ELOVL5: variants seen among roughly 807,000 people sequenced by gnomAD.
ELOVL5 encodes the protein very long chain fatty acid elongase 5.
In ELOVL5, 8 loss-of-function variants were observed where a neutral mutation model predicts 38.6. That is an observed-to-expected ratio of 0.21 (90% CI 0.12 to 0.37). ELOVL5 has a LOEUF of 0.37. Ranked by LOEUF, ELOVL5 falls within the 10% of genes least tolerant of loss-of-function variation. The pLI is 1.00. For synonymous variants in ELOVL5, 127 were observed against 133.7 expected (o/e 0.95, Z 0.34); for missense variants, 280 against 367.8 (o/e 0.76, Z 1.95).
chr6:53,272,654 A>C (rs1479899169), intron 6 of ELOVL5, among the ~76,000 whole-genome samples: 1 of 152,186 alleles, frequency 6.6e-6, no homozygotes, highest in Admixed American at 6.5e-5. Flanking sequence ...GATGGTGAGA[A>C]GTATCAGGTG....
intron 3 of ELOVL5, among the ~76,000 whole-genome samples, chr6:53,280,117 G>A (rs1581926005): frequency 6.6e-6 from 1 of 152,202 alleles, no homozygotes. Flanking sequence ...TTCAAGTTGC[G>A]TGTTAAGTAG....
chr6:53,319,763 T>C (rs1041548273), intron 1 of ELOVL5, among the ~76,000 whole-genome samples: 3 of 152,258 alleles, frequency 2.0e-5, no homozygotes, highest in Non-Finnish European at 2.9e-5. Context: ...TTCGGTATAA[T>C]GAGATCAGTT....
At chr6:53,347,797 T>G (rs548836011) in intron 1 of ELOVL5, among the ~76,000 whole-genome samples, 8 of 151,684 alleles carry the variant, frequency 5.3e-5, no homozygotes, top group Admixed American at 4.6e-4. Flanking sequence ...ATCAAGGAGC[T>G]TAATTCACAA....
At chr6:53,323,005 C>A (rs766838215) in intron 1 of ELOVL5, among the ~76,000 whole-genome samples, 1 of 152,182 alleles carries the variant, frequency 6.6e-6, no homozygotes, top group Non-Finnish European at 1.5e-5. Flanking sequence ...TGCTAAGCAT[C>A]GTACCACGCA....
intron 1 of ELOVL5, among the ~76,000 whole-genome samples, chr6:53,317,369 C>T (rs1013456899): frequency 1.3e-5 from 2 of 152,142 alleles, no homozygotes; most frequent in Admixed American, 6.5e-5. Context: ...GCACTATTCA[C>T]GATAGCAAAG....
chr6:53,295,814 GGTTAA>G, intron 1 of ELOVL5, 107 bp from the exon 2 acceptor site: 1 of 683,398 alleles, frequency 1.5e-6, no homozygotes, highest in South Asian at 2.1e-5. Context: ...CTACAGACAA[GGTTAA>G]GTTCAGTTCC....
intron 1 of ELOVL5, among the ~76,000 whole-genome samples, chr6:53,331,347 T>G (rs970160480): frequency 2.0e-5 from 3 of 152,166 alleles, no homozygotes; most frequent in Non-Finnish European, 4.4e-5. Context: ...AATAAAAATT[T>G]TTTAAATGAT....
At chr6:53,289,343 A>T (rs937557381) in intron 3 of ELOVL5, among the ~76,000 whole-genome samples, 1 of 152,198 alleles carries the variant, frequency 6.6e-6, no homozygotes, top group Non-Finnish European at 1.5e-5. Context: ...GGGCTTCATG[A>T]TCTCCTCAGT....
chr6:53,278,817 C>T (rs1766243010), intron 3 of ELOVL5, among the ~76,000 whole-genome samples: 1 of 152,202 alleles, frequency 6.6e-6, no homozygotes. Flanking sequence ...GGCCGCTGTG[C>T]CCCTCAAACC....
At position 53,304,421 on chromosome 6, in the gene ELOVL5, CAA is replaced by C. The variant is rs1376595755; in HGVS notation, c.-8-8716_-8-8715del. 6.2e-5 allele frequency among the ~76,000 whole-genome samples: 9 copies of C among 144,618 alleles called. No homozygotes were observed. In the Admixed American group the frequency reaches 7.5e-4, roughly 12 times the overall value. The allele number at this position is 144,618 out of a possible 152,430, so 94.9% of individuals were successfully genotyped here. Reference sequence around the variant, plus strand: ...GAAACAAAAAATGCATGTACACACACAAACACACACACCTCTTTTATTTTATT... The same window carrying C: ...GAAACAAAAAATGCATGTACACACACACACACACACCTCTTTTATTTTATT... On this transcript the variant is annotated intron_variant, in intron 1 of 7. Transcript: ENST00000304434.
intron 1 of ELOVL5, among the ~76,000 whole-genome samples, chr6:53,308,251 A>C (rs757548576): frequency 1.3e-5 from 2 of 152,160 alleles, no homozygotes; most frequent in Admixed American, 6.6e-5. Flanking sequence ...CATCACTTCT[A>C]CTGTATCTCA....
intron 1 of ELOVL5, among the ~76,000 whole-genome samples, chr6:53,334,838 G>A (rs1183525264): frequency 6.6e-6 from 1 of 152,094 alleles, no homozygotes; most frequent in African/African-American, 2.4e-5. Context: ...AAGCAGGGTG[G>A]ACTCCTCCCT....
At chr6:53,297,649 C>A (rs899212791) in intron 1 of ELOVL5, among the ~76,000 whole-genome samples, 2 of 151,956 alleles carry the variant, frequency 1.3e-5, no homozygotes, top group Admixed American at 1.3e-4. Flanking sequence ...TCTTACTTTG[C>A]CTAATTTATA....
intron 1 of ELOVL5, among the ~76,000 whole-genome samples, chr6:53,319,397 A>C (rs992619843): frequency 2.0e-5 from 3 of 151,928 alleles, no homozygotes; most frequent in East Asian, 3.9e-4. Context: ...CACATACTCA[A>C]GTTGTTTCAA....
Position 53,275,081 on chromosome 6 carries a change from A to T in ELOVL5, c.496+9T>A. 6.2e-7 allele frequency: 1 copy of T among 1,613,410 alleles called. No individual in the cohort carries two copies. Among genetic ancestry groups the T allele is most frequent in the South Asian group, 1.1e-5 (1 of 91,044 alleles). ...ACCTGTTCCCCAAGTCCCCGTCTCT[A>T]ATACTTACAGTGGCCGCAGGGGACC... is the stretch of plus-strand genomic sequence containing the variant. On this transcript the variant is annotated intron_variant, in intron 5 of 7. Coordinates refer to ENST00000304434, the MANE Select transcript of ELOVL5 (RefSeq NM_021814.5).
At chr6:53,323,173 A>G (rs1321804599) in intron 1 of ELOVL5, among the ~76,000 whole-genome samples, 1 of 152,214 alleles carries the variant, frequency 6.6e-6, no homozygotes, top group Non-Finnish European at 1.5e-5. Flanking sequence ...GGAAAATAGA[A>G]AAATGCATCA....
At chr6:53,316,041 T>G (rs536380192) in intron 1 of ELOVL5, among the ~76,000 whole-genome samples, 34 of 152,346 alleles carry the variant, frequency 2.2e-4, no homozygotes, top group Non-Finnish European at 4.4e-4. Flanking sequence ...CAATAATGCT[T>G]ATACCTCATG....
chr6:53,302,069 A>G (rs185093162), intron 1 of ELOVL5, among the ~76,000 whole-genome samples: 1 of 152,210 alleles, frequency 6.6e-6, no homozygotes. Flanking sequence ...GAATTTTAGG[A>G]TCCTTGGGCC....
At chr6:53,286,851 T>C (rs1486074396) in intron 3 of ELOVL5, among the ~76,000 whole-genome samples, 1 of 152,210 alleles carries the variant, frequency 6.6e-6, no homozygotes, top group East Asian at 1.9e-4. Flanking sequence ...CTATGTGTTG[T>C]CATGTATACA....
Sources: allele counts gnomAD v4.1 joint callset (sites outside exome capture counted in the v4.1 genomes callset), GRCh38; gene constraint gnomAD v4.1.1; transcripts MANE v1.5; gene names NCBI Gene and HGNC (gene_info 2026-07-23, HGNC 2026-07-21).